ZNF347: variants seen among roughly 807,000 people sequenced by gnomAD.
The protein encoded by ZNF347 is CTD-2620I22.7.
A neutral mutation model predicts 12.9 loss-of-function variants in ZNF347; 19 were observed. The ratio of observed to expected loss-of-function variants is 1.47; its 90% confidence interval spans 1.03 to 2.16. The LOEUF (loss-of-function observed/expected upper bound fraction) is 2.16, where lower values mean the gene tolerates loss of function less well. Among genes scored for constraint, ZNF347 ranks in the 30% most tolerant of loss-of-function variants. ZNF347 has a pLI of 0.00. For synonymous variants in ZNF347, 328 were observed against 340.6 expected (o/e 0.96, Z 0.41); for missense variants, 1,005 against 990.6 (o/e 1.01, Z -0.19).
intron 4 of ZNF347, among the ~76,000 whole-genome samples, chr19:53,144,409 T>C (rs1444404628): frequency 6.6e-6 from 1 of 152,124 alleles, no homozygotes; most frequent in Non-Finnish European, 1.5e-5. Context: ...AGGATCAACT[T>C]AGCAAAAGGA....
At position 53,142,033 on chromosome 19, in the gene ZNF347, T is replaced by C. The variant is rs1338706469; in HGVS notation, c.795A>G (p.Gly265=). Residue 265 remains glycine (G), a synonymous_variant, in exon 5 of 5, where the codon GGA becomes GGG. Coordinates refer to ENST00000334197, the MANE Select transcript of ZNF347 (RefSeq NM_032584.3). ...NNWGSPYKSN[G]CGMVFPQNSH... ...AATTTTGAGGAAAGACCATGCCACA[T>C]CCATTAGATTTGTAAGGGCTTCCCC... 1.2e-6 allele frequency: 2 copies of C among 1,613,948 alleles called. No individual in the cohort carries two copies. The highest frequency in any genetic ancestry group is 1.1e-5 in the South Asian group (1 of 91,064).
At position 53,141,357 on chromosome 19, in the gene ZNF347, C is replaced by G. The variant is rs2090424924; in HGVS notation, c.1471G>C (p.Gly491Arg). Residue 491 changes from glycine to arginine, a missense_variant, in exon 5 of 5, where the codon GGC (glycine) becomes CGC (arginine). Transcript: ENST00000334197. ...TTTGAATGTGCTCTAAAGGCTTTGC[C>G]ACACTCATTACACTTATAAGGTTTC... ...GEKPYKCNEC[G>R]KAFRAHSNLT... is the part of the protein sequence containing the mutation. The G allele has an allele frequency of 6.2e-7, 1 of 1,613,804 alleles. No individual in the cohort carries two copies. Among genetic ancestry groups the G allele is most frequent in the African/African-American group, 1.3e-5 (1 of 74,832 alleles).
Position 53,142,022 on chromosome 19 carries a change from A to G in ZNF347, c.806T>C (p.Val269Ala). The change falls in exon 5 of 5, where the codon GTC (valine) becomes GCC (alanine). Residue 269 changes from valine (V) to alanine (A), a missense_variant. Transcript: ENST00000334197. ...SPYKSNGCGM[V>A]FPQNSHLASH... ...TGCAAGGTGTGAATTTTGAGGAAAGACCATGCCACATCCATTAGATTTGTA... is the reference window on the plus strand; with the variant it reads ...TGCAAGGTGTGAATTTTGAGGAAAGGCCATGCCACATCCATTAGATTTGTA... 6.2e-7 allele frequency: 1 copy of G among 1,614,126 alleles called. No homozygotes were observed. The highest frequency in any genetic ancestry group is 8.5e-7 in the Non-Finnish European group (1 of 1,179,998).
At position 53,151,278 on chromosome 19, in the gene ZNF347, A is replaced by C. The variant is rs146751999; in HGVS notation, c.16-1911T>G. ...TGGCCAGGCGTGGTGGCTCATGCCT[A>C]TAATCCCAGCACTTTGGAAGGTCGA... On this transcript the variant is annotated intron_variant, in intron 2 of 4. Coordinates refer to ENST00000334197, the MANE Select transcript of ZNF347 (RefSeq NM_032584.3). Among the ~76,000 whole-genome samples, 1,473 of 152,204 alleles carry C rather than the reference A, an allele frequency of 9.7e-3. 20 individuals are homozygous for C. The highest frequency in any genetic ancestry group is 0.033 in the African/African-American group (1,366 of 41,528).
At chr19:53,153,370 T>C (rs1297906021) in intron 2 of ZNF347, among the ~76,000 whole-genome samples, 1 of 152,176 alleles carries the variant, frequency 6.6e-6, no homozygotes, top group Non-Finnish European at 1.5e-5. Context: ...ACACGTGACT[T>C]CCACGTGCAG....
rs767652353 is a variant in ZNF347 at position 53,149,299 on chromosome 19, A to G, written c.84T>C (p.Ala28=). ...TCACGTCCCTGTACAAAGTCCTCTG[A>G]GCGGGGTCCAGGCATGTCCACTCCT... ...SQEEWTCLDP[A]QRTLYRDVML... Residue 28 remains alanine (A), a synonymous_variant, in exon 3 of 5, where the codon GCT becomes GCC. Transcript: ENST00000334197. The G allele has an allele frequency of 1.7e-5, 28 of 1,614,034 alleles. 1 individual carries two copies. In the South Asian group the frequency reaches 3.0e-4, roughly 17 times the overall value.
chr19:53,140,541 T>C lies in ZNF347; in HGVS notation c.2287A>G (p.Lys763Glu), dbSNP rs759684637. 1.9e-6 allele frequency: 3 copies of C among 1,613,986 alleles called. No homozygotes were observed. Among genetic ancestry groups the C allele is most frequent in the South Asian group, 1.1e-5 (1 of 91,066 alleles). The stretch of plus-strand genomic sequence containing the variant: ...CCACACTCATTACACTTGTAAGGTT[T>C]CTCTCCAGTATGAATTCCCCGATGT... ...ARHRGIHTGE[K>E]PYKCNECGKA... Residue 763 changes from lysine (K) to glutamate (E), a missense_variant, in exon 5 of 5, where the codon AAA (lysine) becomes GAA (glutamate). Lys to Glu is a moderately conservative substitution (Grantham distance 56). Coordinates refer to ENST00000334197, the MANE Select transcript of ZNF347 (RefSeq NM_032584.3).
chr19:53,144,225 C>A (rs10409594), intron 4 of ZNF347, among the ~76,000 whole-genome samples: 1 of 151,886 alleles, frequency 6.6e-6, no homozygotes, highest in African/African-American at 2.4e-5. Flanking sequence ...CTATATGTTG[C>A]CTACAACAAA....
Position 53,135,666 on chromosome 19 carries a change from C to G in ZNF347, c.*4642G>C, listed in dbSNP as rs1599847751. On this transcript the variant is annotated 3_prime_UTR_variant, in exon 5 of 5. Transcript: ENST00000334197. ...GGGATTACAGGCATGAGCCACTGTG[C>G]CCAGCCTAATTTGATTATTTTGCTT... is the stretch of plus-strand genomic sequence containing the variant. 2 of 152,140 alleles carry G rather than the reference C, an allele frequency of 1.3e-5. No individual in the cohort carries two copies. The highest frequency in any genetic ancestry group is 3.9e-4 in the East Asian group (2 of 5,188). 9.4% of individuals were successfully genotyped at this position (152,140 alleles called of 1,614,324 possible).
At chr19:53,154,444 G>A (rs894689023) in intron 1 of ZNF347, among the ~76,000 whole-genome samples, 1 of 152,132 alleles carries the variant, frequency 6.6e-6, no homozygotes, top group African/African-American at 2.4e-5. Flanking sequence ...ATGAAGCTGT[G>A]CAGGTGGGGT....
intron 4 of ZNF347, among the ~76,000 whole-genome samples, chr19:53,145,964 T>C (rs562304188): frequency 2.0e-5 from 3 of 151,262 alleles, no homozygotes; most frequent in Admixed American, 6.6e-5. Context: ...AAATGAAAAG[T>C]AGGATTAAAA....
At chr19:53,151,289 A>C (rs1303857731) in intron 2 of ZNF347, among the ~76,000 whole-genome samples, 1 of 152,102 alleles carries the variant, frequency 6.6e-6, no homozygotes, top group Non-Finnish European at 1.5e-5. Context: ...TAATCCCAGC[A>C]CTTTGGAAGG....
Position 53,148,716 on chromosome 19 carries a change from G to A in ZNF347, c.236C>T (p.Pro79Leu), listed in dbSNP as rs1293612253. ...LESQVQIAGN[P>L]DGWEWIKAVI... ...AGCTTTGATCCATTCCCATCCATCT[G>A]GGTTTCCTGCTATTTGTACTTGGCT... is the stretch of plus-strand genomic sequence containing the variant. The change falls in exon 4 of 5, where the codon CCA (proline) becomes CTA (leucine). Residue 79 changes from proline (P) to leucine (L), a missense_variant. Pro to Leu is a moderately conservative substitution (Grantham distance 98). Transcript: ENST00000334197. The A allele has an allele frequency of 4.3e-6, 7 of 1,613,850 alleles. No individual in the cohort carries two copies. The highest frequency in any genetic ancestry group is 5.9e-6 in the Non-Finnish European group (7 of 1,179,908).
intron 1 of ZNF347, among the ~76,000 whole-genome samples, chr19:53,154,225 T>C (rs1331111666): frequency 6.6e-6 from 1 of 151,952 alleles, no homozygotes; most frequent in Non-Finnish European, 1.5e-5. Flanking sequence ...GCTCACACTA[T>C]AATCCTAGCA....
intron 4 of ZNF347, among the ~76,000 whole-genome samples, chr19:53,147,126 G>A (rs2090468155): frequency 6.6e-6 from 1 of 152,138 alleles, no homozygotes; most frequent in African/African-American, 2.4e-5. Context: ...TGTAATCCCA[G>A]CACTTTGGGT....
rs1044504677 is a variant in ZNF347 at position 53,140,561 on chromosome 19, C to T, written c.2267G>A (p.Arg756Gln). 32 of 1,612,716 alleles carry T rather than the reference C, an allele frequency of 2.0e-5. No homozygotes were observed. Among genetic ancestry groups the T allele is most frequent in the Middle Eastern group, 1.6e-4 (1 of 6,076 alleles). ...FTQNSHLARHRGIHTGEKPYK... is the reference protein window; with the variant it reads ...FTQNSHLARHQGIHTGEKPYK... ...AGGTTTCTCTCCAGTATGAATTCCC[C>T]GATGTCTTGCAAGGTGTGAATTCTG... Residue 756 changes from arginine to glutamine, a missense_variant, in exon 5 of 5, where the codon CGG (arginine) becomes CAG (glutamine). By Grantham distance (43) the Arg-to-Gln change is conservative (BLOSUM62 1). Coordinates refer to ENST00000334197, the MANE Select transcript of ZNF347 (RefSeq NM_032584.3).
In ZNF347 at chr19:53,140,326, C is replaced by A. The variant is rs149958103; in HGVS notation, c.2502G>T (p.Lys834Asn). The change falls in exon 5 of 5, where the codon AAG becomes AAT. Residue 834 changes from lysine to asparagine, a missense_variant. Physicochemically the swap from Lys to Asn is moderately conservative, Grantham distance 94 (BLOSUM62 0). Coordinates refer to ENST00000334197, the MANE Select transcript of ZNF347 (RefSeq NM_032584.3). Reference sequence around the variant, plus strand: ...CTCTCCACTATGAATTCTGTGATGGCTTGCAAGGTTTGAACTCTGACTTTA... The same window carrying A: ...CTCTCCACTATGAATTCTGTGATGGATTGCAAGGTTTGAACTCTGACTTTA... Reference protein sequence around the residue: ...KVLKSEFKPCKPSQNS With the variant: ...KVLKSEFKPCNPSQNS 6 of 1,554,744 alleles carry A rather than the reference C, an allele frequency of 3.9e-6. No individual in the cohort carries two copies. The African/African-American group carries it at 6.9e-5, about 18-fold the overall frequency.
chr19:53,142,868 A>T (rs1178612740), intron 4 of ZNF347, among the ~76,000 whole-genome samples: 2 of 152,198 alleles, frequency 1.3e-5, no homozygotes, highest in African/African-American at 4.8e-5. Flanking sequence ...AGACAAACAA[A>T]GCTAAGGGAA....
At chr19:53,152,862 G>A (rs904521266) in intron 2 of ZNF347, among the ~76,000 whole-genome samples, 26 of 151,986 alleles carry the variant, frequency 1.7e-4, no homozygotes, top group Non-Finnish European at 2.5e-4. Flanking sequence ...AGCAGGAGGC[G>A]GAGCTTGCAT....
Sources: allele counts gnomAD v4.1 joint callset (sites outside exome capture counted in the v4.1 genomes callset), GRCh38; gene constraint gnomAD v4.1.1; transcripts MANE v1.5; gene names NCBI Gene and HGNC (gene_info 2026-07-23, HGNC 2026-07-21).